SKI: variants seen among roughly 807,000 people sequenced by gnomAD.
The protein encoded by SKI is SKI proto-oncogene.
A neutral mutation model predicts 59.3 loss-of-function variants in SKI; 23 were observed. That is an observed-to-expected ratio of 0.39 (90% confidence interval 0.28 to 0.55). SKI has a LOEUF of 0.55. Among genes scored for constraint, SKI ranks in the 20% least tolerant of loss-of-function variants. The pLI, the probability that SKI is intolerant of heterozygous loss-of-function variation, is 0.67. For missense variants in SKI, 1,017 were observed against 1,038.9 expected (o/e 0.98, Z 0.29); for synonymous variants, 673 against 488.6 (o/e 1.38, Z -4.98).
chr1:2,291,565 C>T (rs750187861), intron 1 of SKI, among the ~76,000 whole-genome samples: 1 of 152,228 alleles, frequency 6.6e-6, no homozygotes, highest in Non-Finnish European at 1.5e-5. Context: ...GGGAGCCCTC[C>T]CCGGGACAGC....
At chr1:2,285,034 G>A (rs1050108451) in intron 1 of SKI, among the ~76,000 whole-genome samples, 1 of 152,142 alleles carries the variant, frequency 6.6e-6, no homozygotes, top group Non-Finnish European at 1.5e-5. Flanking sequence ...TTCGTGTTTG[G>A]GCCACCAGGG....
intron 6 of SKI, 25 bp downstream of exon 6, chr1:2,306,275 A>ACGCAGC (rs1640574644): frequency 1.3e-6 from 2 of 1,528,392 alleles, no homozygotes; most frequent in Non-Finnish European, 1.8e-6. Context: ...AGACTGAGGC[A>ACGCAGC]CGCAGCACGG....
At chr1:2,289,726 C>G (rs1198778169) in intron 1 of SKI, among the ~76,000 whole-genome samples, 1 of 152,158 alleles carries the variant, frequency 6.6e-6, no homozygotes, top group African/African-American at 2.4e-5. Flanking sequence ...GAGATGACCA[C>G]AGCTCTCAGT....
intron 1 of SKI, among the ~76,000 whole-genome samples, chr1:2,278,701 A>G (rs1053646037): frequency 1.3e-5 from 2 of 150,904 alleles, no homozygotes; most frequent in Admixed American, 6.6e-5. Context: ...GTGGGTGCCC[A>G]GCTCCCCACC....
intron 1 of SKI, among the ~76,000 whole-genome samples, chr1:2,248,504 G>A (rs193134893): frequency 6.6e-6 from 1 of 152,344 alleles, no homozygotes; most frequent in East Asian, 1.9e-4. Context: ...CGCCACTGGG[G>A]CAATGCAACT....
At chr1:2,283,349 A>AG (rs145591357) in intron 1 of SKI, among the ~76,000 whole-genome samples, 26 of 149,830 alleles carry the variant, frequency 1.7e-4, no homozygotes, top group Non-Finnish European at 2.2e-4. Context: ...TCAGAGCCTC[A>AG]GGGGGGGGAG....
rs957563311 is a variant in SKI at position 2,283,348 on chromosome 1, CA to C, written c.970-19629del. Among the ~76,000 whole-genome samples, 195 of 145,416 alleles carry C rather than the reference CA, an allele frequency of 1.3e-3. 1 individual carries two copies. The highest frequency in any genetic ancestry group is 3.7e-3 in the Middle Eastern group (1 of 270). ...TTGACAGGGCAAGGACTCAGAGCCTCAGGGGGGGGAGGGCAGGGCCTCCTGA... is the reference window on the plus strand; with the variant it reads ...TTGACAGGGCAAGGACTCAGAGCCTCGGGGGGGGAGGGCAGGGCCTCCTGA... On this transcript the variant is annotated intron_variant, in intron 1 of 6. Transcript: ENST00000378536.
intron 1 of SKI, among the ~76,000 whole-genome samples, chr1:2,247,044 A>C (rs1487667564): frequency 6.6e-6 from 1 of 152,200 alleles, no homozygotes; most frequent in Non-Finnish European, 1.5e-5. Flanking sequence ...AATATGGTGA[A>C]ATCTCGTCTC....
chr1:2,299,127 G>A (rs894047558), intron 1 of SKI, among the ~76,000 whole-genome samples: 8 of 152,260 alleles, frequency 5.3e-5, no homozygotes, highest in South Asian at 4.1e-4. Flanking sequence ...GGAAGCGACC[G>A]TCAGCGCCGA....
chr1:2,254,630 C>T (rs1303996347), intron 1 of SKI, among the ~76,000 whole-genome samples: 2 of 152,206 alleles, frequency 1.3e-5, no homozygotes, highest in East Asian at 3.8e-4. Flanking sequence ...TCACCACTAT[C>T]TCTGGGGAGG....
intron 1 of SKI, among the ~76,000 whole-genome samples, chr1:2,285,035 G>A (rs754503259): frequency 6.6e-6 from 1 of 152,144 alleles, no homozygotes; most frequent in Non-Finnish European, 1.5e-5. Flanking sequence ...TCGTGTTTGG[G>A]CCACCAGGGT....
At chr1:2,272,180 A>T (rs1639637911) in intron 1 of SKI, among the ~76,000 whole-genome samples, 1 of 152,242 alleles carries the variant, frequency 6.6e-6, no homozygotes, top group Non-Finnish European at 1.5e-5. Context: ...CTCTGCACAG[A>T]TGGGCGGGGC....
At chr1:2,306,531 G>GGCAGGGCAGCGA (rs1553201475) in intron 6 of SKI, 46 bp from the exon 7 acceptor site, 3 of 1,524,520 alleles carry the variant, frequency 2.0e-6, no homozygotes, top group Non-Finnish European at 1.8e-6. Context: ...GTCGGGCCGG[G>GGCAGGGCAGCGA]GCAGGGCAGC....
intron 1 of SKI, among the ~76,000 whole-genome samples, chr1:2,247,601 C>G (rs1639027070): frequency 6.6e-6 from 1 of 152,200 alleles, no homozygotes. Context: ...AGAAATGCCT[C>G]CCTGGGGTTG....
intron 1 of SKI, among the ~76,000 whole-genome samples, chr1:2,258,326 CT>C (rs1205985034): frequency 1.3e-5 from 2 of 152,066 alleles, no homozygotes; most frequent in Admixed American, 6.6e-5. Flanking sequence ...TCAGATGCCC[CT>C]ATTCTAGATG....
At position 2,308,878 on chromosome 1, in the gene SKI, CCT is replaced by C. The variant is rs2100931969; in HGVS notation, c.*2115_*2116del. 6.6e-6 allele frequency: 1 copy of C among 152,480 alleles called. No homozygotes were observed. Among genetic ancestry groups the C allele is most frequent in the Non-Finnish European group, 1.5e-5 (1 of 68,144 alleles). The allele number at this position is 152,480 out of a possible 1,614,324, so 9.4% of individuals were successfully genotyped here. ...CCCGACGGTCACCGTTGGGTCCACG[CCT>C]CCACCGCCCCATCTTGCCCCAAACG... is the stretch of plus-strand genomic sequence containing the variant. On this transcript the variant is annotated 3_prime_UTR_variant, in exon 7 of 7. Transcript: ENST00000378536.
intron 1 of SKI, among the ~76,000 whole-genome samples, chr1:2,257,747 T>C (rs528575747): frequency 9.6e-4 from 146 of 152,264 alleles, no homozygotes; most frequent in African/African-American, 3.4e-3. Flanking sequence ...TACTTATTTA[T>C]TTATTTTTGA....
At chr1:2,237,884 G>T (rs1305579425) in intron 1 of SKI, among the ~76,000 whole-genome samples, 2 of 152,238 alleles carry the variant, frequency 1.3e-5, no homozygotes, top group Non-Finnish European at 2.9e-5. Context: ...CGCCCTCTGT[G>T]GGAGGTCTGA....
In SKI at chr1:2,267,698, G is replaced by A. The variant is rs568028840; in HGVS notation, c.970-35280G>A. 2.4e-4 allele frequency among the ~76,000 whole-genome samples: 37 copies of A among 152,306 alleles called. No homozygotes were observed. The highest frequency in any genetic ancestry group is 8.7e-4 in the African/African-American group (36 of 41,560). On this transcript the variant is annotated intron_variant, in intron 1 of 6. Coordinates refer to ENST00000378536, the MANE Select transcript of SKI (RefSeq NM_003036.4). The surrounding 1 kb of genome is among the most constrained non-coding windows in gnomAD (Gnocchi z 4.1). ...CGCACCACACTTCAGGGATGCAGCCGGCCTTTGGGCTTCAGGAAACGCAGC... is the reference window on the plus strand; with the variant it reads ...CGCACCACACTTCAGGGATGCAGCCAGCCTTTGGGCTTCAGGAAACGCAGC...
Sources: allele counts gnomAD v4.1 joint callset (sites outside exome capture counted in the v4.1 genomes callset), GRCh38; gene constraint gnomAD v4.1.1; non-coding constraint Gnocchi (gnomAD v3.1); transcripts MANE v1.5; gene names NCBI Gene and HGNC (gene_info 2026-07-23, HGNC 2026-07-21).